The following UBE3B variants were observed in gnomAD, a reference collection of about 807,000 sequenced individuals.
UBE3B encodes the protein ubiquitin-protein ligase E3B.
A neutral mutation model predicts 132.3 loss-of-function variants in UBE3B; 80 were observed. The observed-to-expected ratio is 0.60, with a 90% CI of 0.50 to 0.73. UBE3B has a LOEUF of 0.73. Among genes scored for constraint, UBE3B ranks in the 30% least tolerant of loss-of-function variants. The pLI is 0.00. For missense variants in UBE3B, 1,196 were observed against 1,362.5 expected, an observed-to-expected ratio of 0.88 and a Z score of 1.92; for synonymous variants, 487 against 520.4, an observed-to-expected ratio of 0.94 and a Z score of 0.87.
chr12:109,538,355 G>T (rs1244526924), downstream of UBE3B, among the ~76,000 whole-genome samples: 2 of 152,186 alleles, frequency 1.3e-5, no homozygotes, highest in Non-Finnish European at 2.9e-5. The surrounding 1 kb of genome is among the most constrained non-coding windows in gnomAD (Gnocchi z 4.1). Flanking sequence ...CTGTGGAAGT[G>T]GTTCCTTCAG....
At position 109,507,582 on chromosome 12, in the gene UBE3B, A is replaced by G. The variant is rs1299927608; in HGVS notation, c.1469A>G (p.Asp490Gly). Residue 490 changes from aspartate to glycine, a missense_variant, in exon 15 of 28, where the codon GAC (aspartate) becomes GGC (glycine). Physicochemically the swap from Asp to Gly is moderately conservative, Grantham distance 94 (BLOSUM62 -1). Coordinates refer to ENST00000342494, the MANE Select transcript of UBE3B (RefSeq NM_130466.4). Reference sequence around the variant, plus strand: ...TTTCCAGGTCTCACTTACCTTGATGACCTGCTTCCCAAACTGTGGGCATTT... The same window carrying G: ...TTTCCAGGTCTCACTTACCTTGATGGCCTGCTTCCCAAACTGTGGGCATTT... ...QILTGLTYLD[D>G]LLPKLWAFIC... The G allele has an allele frequency of 5.6e-6, 9 of 1,613,692 alleles. No homozygotes were observed. The highest frequency in any genetic ancestry group is 7.6e-6 in the Non-Finnish European group (9 of 1,179,914).
rs556951575 is a variant in UBE3B at position 109,483,600 on chromosome 12, C to T, written c.49C>T (p.Arg17Cys). ...GAGAGCATGGTTCATCGATAGAGCC[C>T]GTCAGGCACGAGAAGAAAGGCTTGT... ...TSRAWFIDRA[R>C]QAREERLVQK... The change falls in exon 3 of 28, where the codon CGT becomes TGT. Residue 17 changes from arginine (R) to cysteine (C), a missense_variant. Physicochemically the swap from Arg to Cys is radical, Grantham distance 180. Coordinates refer to ENST00000342494, the MANE Select transcript of UBE3B (RefSeq NM_130466.4). 89 of 1,611,396 alleles carry T rather than the reference C, an allele frequency of 5.5e-5. No homozygotes were observed. The Admixed American group carries it at 8.6e-4, about 16-fold the overall frequency.
At chr12:109,518,238 C>T (rs1478572806) in intron 19 of UBE3B, among the ~76,000 whole-genome samples, 1 of 152,098 alleles carries the variant, frequency 6.6e-6, no homozygotes, top group Admixed American at 6.5e-5. Context: ...CAACTGACAC[C>T]CAGCCTCAGT....
chr12:109,537,521 C>T (rs1406380913), downstream of UBE3B, among the ~76,000 whole-genome samples: 2 of 152,208 alleles, frequency 1.3e-5, no homozygotes, highest in East Asian at 1.9e-4. Context: ...TGTGGCCTCT[C>T]TGGAAGTCAG....
intron 12 of UBE3B, 70 bp downstream of exon 12, chr12:109,499,880 C>G (rs1210635189): frequency 7.9e-6 from 11 of 1,387,454 alleles, no homozygotes; most frequent in Non-Finnish European, 1.0e-5. Context: ...TTCTTTCTTT[C>G]TTCCAGCTTG....
In UBE3B at chr12:109,498,610, G is replaced by GA. The variant is rs1566086223; in HGVS notation, c.940+258dup. Among the ~76,000 whole-genome samples, 3 of 152,302 alleles carry GA rather than the reference G, an allele frequency of 2.0e-5. No individual in the cohort carries two copies. The South Asian group carries it at 6.2e-4, about 32-fold the overall frequency. Reference sequence around the variant, plus strand: ...AGCCTTTAGCTTCCTGGCAGTCAAGGAGAAAGTGAAAATGTGGTGAATTGC... The same window carrying GA: ...AGCCTTTAGCTTCCTGGCAGTCAAGGAAGAAAGTGAAAATGTGGTGAATTGC... On this transcript the variant is annotated intron_variant, in intron 11 of 27. Coordinates refer to ENST00000342494, the MANE Select transcript of UBE3B (RefSeq NM_130466.4).
At position 109,522,478 on chromosome 12, in the gene UBE3B, G is replaced by T. The variant is rs2287188; in HGVS notation, c.2364+927G>T. Among the ~76,000 whole-genome samples, 7,283 of 152,310 alleles carry T rather than the reference G, an allele frequency of 0.048. 214 individuals are homozygous for T. Among genetic ancestry groups the T allele is most frequent in the Non-Finnish European group, 0.067 (4,549 of 68,014 alleles). ...GGCCTTCGCAGTGGGCTCCAGAGCT[G>T]CAGGGACCCTGCCTGGGTCTCAGGC... On this transcript the variant is annotated intron_variant, in intron 21 of 27. Coordinates refer to ENST00000342494, the MANE Select transcript of UBE3B (RefSeq NM_130466.4). This position sits in a 1 kb window ranked among gnomAD's most constrained non-coding sequence, Gnocchi z 4.2.
chr12:109,495,836 G>T (rs1017603755), intron 9 of UBE3B, among the ~76,000 whole-genome samples: 5 of 152,230 alleles, frequency 3.3e-5, no homozygotes, highest in African/African-American at 7.2e-5. Context: ...TTTCCACCCT[G>T]GGTGGGCCAG....
Position 109,507,759 on chromosome 12 carries a change from A to G in UBE3B, c.1622+24A>G, listed in dbSNP as rs772019008. 3 of 1,600,298 alleles carry G rather than the reference A, an allele frequency of 1.9e-6. No homozygotes were observed. In the South Asian group the frequency reaches 3.4e-5, roughly 18 times the overall value. On this transcript the variant is annotated intron_variant, in intron 15 of 27. Coordinates refer to ENST00000342494, the MANE Select transcript of UBE3B (RefSeq NM_130466.4). ...ACGTAGGTTGACTGCTGTGGGACTG[A>G]ATTCCTTTCCTAGAATATGGAGAGA...
chr12:109,538,204 G>A (rs1314595730), downstream of UBE3B, among the ~76,000 whole-genome samples: 4 of 152,380 alleles, frequency 2.6e-5, no homozygotes, highest in South Asian at 2.1e-4. The surrounding 1 kb of genome is among the most constrained non-coding windows in gnomAD (Gnocchi z 4.1). Context: ...AGCAGAGCCT[G>A]TTAGCAGACA....
chr12:109,482,602 T>C (rs535745471), intron 2 of UBE3B, among the ~76,000 whole-genome samples: 1 of 152,370 alleles, frequency 6.6e-6, no homozygotes, highest in Non-Finnish European at 1.5e-5. Flanking sequence ...TTCAGTGTTT[T>C]TAACTGGGCT....
At position 109,488,671 on chromosome 12, in the gene UBE3B, C is replaced by A; in HGVS notation, c.544+3C>A. 1 of 1,613,026 alleles carries A rather than the reference C, an allele frequency of 6.2e-7. No homozygotes were observed. The highest frequency in any genetic ancestry group is 1.1e-5 in the South Asian group (1 of 91,042). On this transcript the variant is annotated splice_donor_region_variant and intron_variant, in intron 7 of 27. Coordinates refer to ENST00000342494, the MANE Select transcript of UBE3B (RefSeq NM_130466.4). ...GTGGAAAATTCTTCGGGGAAAAGGT[C>A]TGTGGGACTTGCTTCAAAATGTTCT...
intron 27 of UBE3B, chr12:109,533,855 G>A: frequency 8.1e-7 from 1 of 1,227,162 alleles, no homozygotes; most frequent in Non-Finnish European, 1.1e-6. Flanking sequence ...GGCCTCACCA[G>A]GGCTCCAGAT....
At position 109,521,832 on chromosome 12, in the gene UBE3B, G is replaced by A. The variant is rs969238586; in HGVS notation, c.2364+281G>A. 1.3e-5 allele frequency among the ~76,000 whole-genome samples: 2 copies of A among 152,124 alleles called. No homozygotes were observed. Among genetic ancestry groups the A allele is most frequent in the Non-Finnish European group, 2.9e-5 (2 of 68,026 alleles). On this transcript the variant is annotated intron_variant, in intron 21 of 27. Transcript: ENST00000342494. The surrounding 1 kb of genome is among the most constrained non-coding windows in gnomAD (Gnocchi z 4.2). ...TGAGGAGTCACCTGTCCAGAGTTTC[G>A]TTGCTAGTTAAGTGGTAGAGGTGGA...
rs1881803435 is a variant in UBE3B at position 109,522,284 on chromosome 12, C to T, written c.2364+733C>T. Among the ~76,000 whole-genome samples, 1 of 152,172 alleles carries T rather than the reference C, an allele frequency of 6.6e-6. No individual in the cohort carries two copies. The stretch of plus-strand genomic sequence containing the variant: ...GTGAGTCTGGGTTTCCACTCTGTGG[C>T]CTGATGGGGTCAGGGTGATGTGGCC... On this transcript the variant is annotated intron_variant, in intron 21 of 27. Transcript: ENST00000342494. This position sits in a 1 kb window ranked among gnomAD's most constrained non-coding sequence, Gnocchi z 4.2.
At position 109,522,364 on chromosome 12, in the gene UBE3B, C is replaced by G. The variant is rs1023912890; in HGVS notation, c.2364+813C>G. 6.6e-6 allele frequency among the ~76,000 whole-genome samples: 1 copy of G among 152,158 alleles called. No homozygotes were observed. Among genetic ancestry groups the G allele is most frequent in the South Asian group, 2.1e-4 (1 of 4,838 alleles). On this transcript the variant is annotated intron_variant, in intron 21 of 27. Coordinates refer to ENST00000342494, the MANE Select transcript of UBE3B (RefSeq NM_130466.4). This position sits in a 1 kb window ranked among gnomAD's most constrained non-coding sequence, Gnocchi z 4.2. ...CCATTGAAAGCCAAGGTGGGACCAC[C>G]TTCAGTGGGAAGTCACCGCCTGTTC...
At chr12:109,495,741 G>A (rs1878113959) in intron 9 of UBE3B, among the ~76,000 whole-genome samples, 1 of 152,246 alleles carries the variant, frequency 6.6e-6, no homozygotes, top group African/African-American at 2.4e-5. Flanking sequence ...GATGGGCTCT[G>A]GCTAGTTATC....
At chr12:109,502,110 A>C (rs1879077580) in intron 13 of UBE3B, among the ~76,000 whole-genome samples, 1 of 152,232 alleles carries the variant, frequency 6.6e-6, no homozygotes, top group African/African-American at 2.4e-5. Flanking sequence ...AAGCATGTCC[A>C]CACACATATG....
rs936294424 is a variant in UBE3B, at chr12:109,535,097, C to G, written c.*315C>G. 4 of 244,856 alleles carry G rather than the reference C, an allele frequency of 1.6e-5. 1 individual carries two copies. The highest frequency in any genetic ancestry group is 3.1e-5 in the Non-Finnish European group (4 of 128,724). The allele number at this position is 244,856 out of a possible 1,614,324, so 15.2% of individuals were successfully genotyped here. ...TTTGATCTTTTGGGAGTCTGTCTTTCCTTAGCCGTCTGAGTGAGCTGTGTA... is the reference window on the plus strand; with the variant it reads ...TTTGATCTTTTGGGAGTCTGTCTTTGCTTAGCCGTCTGAGTGAGCTGTGTA... On this transcript the variant is annotated 3_prime_UTR_variant, in exon 28 of 28. Coordinates refer to ENST00000342494, the MANE Select transcript of UBE3B (RefSeq NM_130466.4).
Sources: allele counts gnomAD v4.1 joint callset (sites outside exome capture counted in the v4.1 genomes callset), GRCh38; gene constraint gnomAD v4.1.1; non-coding constraint Gnocchi (gnomAD v3.1); transcripts MANE v1.5; gene names NCBI Gene and HGNC (gene_info 2026-07-23, HGNC 2026-07-21).